Variants in ARFGAP2 observed in about 807,000 individuals in gnomAD.
ARFGAP2 encodes the protein ADP-ribosylation factor GTPase-activating protein 2.
ARFGAP2 carries 45 observed loss-of-function variants against 71.9 expected under a neutral mutation model. That is an observed-to-expected ratio of 0.63 (90% CI 0.49 to 0.80). The LOEUF (loss-of-function observed/expected upper bound fraction) is 0.80, where lower values mean the gene tolerates loss of function less well. ARFGAP2 is among the 30% of genes least tolerant of loss of function. The probability of loss-of-function intolerance (pLI) is 0.00; values close to 1 mark genes in which losing one functional copy is unlikely to be tolerated. For synonymous variants in ARFGAP2, 248 were observed against 249.2 expected (o/e 1.00, Z 0.05); for missense variants, 633 against 673.9 (o/e 0.94, Z 0.67).
At chr11:47,172,034 G>T in intron 8 of ARFGAP2, 1 of 720,154 alleles carries the variant, frequency 1.4e-6, no homozygotes, top group Non-Finnish European at 2.3e-6. Context: ...TGCTGACAGG[G>T]CCAAGTATGT....
At chr11:47,167,102 G>A (rs961246568) in intron 12 of ARFGAP2, among the ~76,000 whole-genome samples, 15 of 152,192 alleles carry the variant, frequency 9.9e-5, no homozygotes, top group Non-Finnish European at 1.8e-4. Flanking sequence ...CCTGCACTAG[G>A]CAGGGTGGAA....
At chr11:47,175,130 G>T in intron 4 of ARFGAP2, 32 bp from the exon 5 acceptor site, 1 of 1,614,094 alleles carries the variant, frequency 6.2e-7, no homozygotes, top group Non-Finnish European at 8.5e-7. Context: ...TAAAACACAG[G>T]GCTCTGAATA....
At chr11:47,169,309 G>C (rs61897844) in intron 10 of ARFGAP2, 2 of 151,266 alleles carry the variant, frequency 1.3e-5, no homozygotes, top group Admixed American at 6.6e-5. Context: ...GCGAGGCTCC[G>C]TCTCAGAGAG....
intron 10 of ARFGAP2, among the ~76,000 whole-genome samples, chr11:47,169,008 C>A (rs977644400): frequency 1.3e-5 from 2 of 151,368 alleles, no homozygotes; most frequent in African/African-American, 2.4e-5. Flanking sequence ...CTTCATCATC[C>A]TACTCTTTAT....
chr11:47,171,323 T>G (rs1952590024), intron 10 of ARFGAP2, 103 bp downstream of exon 10: 2 of 1,538,372 alleles, frequency 1.3e-6, no homozygotes, highest in South Asian at 2.5e-5. Flanking sequence ...CTATTCAGAC[T>G]TGGAGAAACA....
intron 6 of ARFGAP2, 83 bp from the exon 7 acceptor site, chr11:47,173,565 G>C: frequency 1.4e-6 from 2 of 1,465,532 alleles, no homozygotes; most frequent in South Asian, 1.3e-5. Context: ...GACAAGAATC[G>C]GTGGCTTTCC....
chr11:47,175,749 G>C, intron 3 of ARFGAP2, 102 bp downstream of exon 3: 1 of 1,336,842 alleles, frequency 7.5e-7, no homozygotes, highest in Non-Finnish European at 1.1e-6. Flanking sequence ...ATAGAACAGA[G>C]AACCCTCTGA....
At chr11:47,175,639 T>TC in intron 3 of ARFGAP2, 1 of 648,314 alleles carries the variant, frequency 1.5e-6, no homozygotes, top group Non-Finnish European at 2.6e-6. Flanking sequence ...CTGTGGCTTT[T>TC]CCCCAAGAAC....
Position 47,173,511 on chromosome 11 carries a change from T to C in ARFGAP2, c.563-29A>G, listed in dbSNP as rs1488820328. On this transcript the variant is annotated intron_variant, in intron 6 of 15. Coordinates refer to ENST00000524782, the MANE Select transcript of ARFGAP2 (RefSeq NM_032389.6). The stretch of plus-strand genomic sequence containing the variant: ...TGGATGCAATGGTAGGAGTTAGAGA[T>C]GAGCTCCTAGCTTCCTGCAACCTCC... 5 of 1,540,762 alleles carry C rather than the reference T, an allele frequency of 3.2e-6. No homozygotes were observed. In the South Asian group the frequency reaches 3.6e-5, roughly 11 times the overall value.
chr11:47,167,772 G>A (rs1448073483), intron 12 of ARFGAP2, 137 bp downstream of exon 12: 11 of 1,125,910 alleles, frequency 9.8e-6, no homozygotes, highest in African/African-American at 7.9e-5. Context: ...CATAGTAGTG[G>A]CTACCATATT....
chr11:47,170,763 T>C (rs183141880), intron 10 of ARFGAP2, among the ~76,000 whole-genome samples: 2 of 151,960 alleles, frequency 1.3e-5, no homozygotes, highest in Admixed American at 1.3e-4. Flanking sequence ...CTGGACAACA[T>C]AGCAAAACCC....
At position 47,166,749 on chromosome 11, in the gene ARFGAP2, G is replaced by GC. The variant is rs1719460665; in HGVS notation, c.1332+10dup. 5 of 1,612,162 alleles carry GC rather than the reference G, an allele frequency of 3.1e-6. No individual in the cohort carries two copies. Among genetic ancestry groups the GC allele is most frequent in the Non-Finnish European group, 4.2e-6 (5 of 1,179,078 alleles). On this transcript the variant is annotated intron_variant, in intron 13 of 15. Coordinates refer to ENST00000524782, the MANE Select transcript of ARFGAP2 (RefSeq NM_032389.6). ...GCTGCCTCGGACCTCAGGGCAGACA[G>GC]CCCCACTTACCTCTGCATCCACCTC...
At chr11:47,166,958 C>G in intron 12 of ARFGAP2, 72 bp from the exon 13 acceptor site, 4 of 1,543,624 alleles carry the variant, frequency 2.6e-6, no homozygotes, top group Non-Finnish European at 3.5e-6. Flanking sequence ...AGAGGCCAAA[C>G]AGAGCACCAG....
chr11:47,176,774 TCA>T lies in ARFGAP2; in HGVS notation c.72+6_72+7del. The T allele has an allele frequency of 6.2e-7, 1 of 1,614,060 alleles. No homozygotes were observed. On this transcript the variant is annotated splice_donor_region_variant and intron_variant, in intron 1 of 15. Coordinates refer to ENST00000524782, the MANE Select transcript of ARFGAP2 (RefSeq NM_032389.6). ...ACGAGAGACTCCGCGCGCCCCCTGC[TCA>T]CGCACCTTGTTGGTTGGAACTGCGC...
In ARFGAP2 at chr11:47,176,861, C is replaced by A; in HGVS notation, c.-8G>T. 1.2e-6 allele frequency: 2 copies of A among 1,612,772 alleles called. No homozygotes were observed. The highest frequency in any genetic ancestry group is 8.5e-7 in the Non-Finnish European group (1 of 1,179,578). ...GTTCGGCTCCGCCGCCATTTTCTCT[C>A]CTTCCCAGACACAACCGCGGCTGAC... On this transcript the variant is annotated 5_prime_UTR_variant, in exon 1 of 16. Coordinates refer to ENST00000524782, the MANE Select transcript of ARFGAP2 (RefSeq NM_032389.6).
chr11:47,176,863 T>A lies in ARFGAP2; in HGVS notation c.-10A>T, dbSNP rs1412341863. On this transcript the variant is annotated 5_prime_UTR_variant, in exon 1 of 16. In the 5' UTR this introduces an upstream ATG that the reference lacks. Transcript: ENST00000524782. The stretch of plus-strand genomic sequence containing the variant: ...TCGGCTCCGCCGCCATTTTCTCTCC[T>A]TCCCAGACACAACCGCGGCTGACGG... 1.2e-6 allele frequency: 2 copies of A among 1,612,296 alleles called. No homozygotes were observed. Among genetic ancestry groups the A allele is most frequent in the African/African-American group, 2.7e-5 (2 of 74,914 alleles).
At position 47,176,836 on chromosome 11, in the gene ARFGAP2, G is replaced by C. The variant is rs775559343; in HGVS notation, c.18C>G (p.Asn6Lys). 2.8e-5 allele frequency: 45 copies of C among 1,613,660 alleles called. No homozygotes were observed. Among genetic ancestry groups the C allele is most frequent in the Non-Finnish European group, 3.6e-5 (42 of 1,180,006 alleles). The change falls in exon 1 of 16, where the codon AAC becomes AAG. Residue 6 changes from asparagine to lysine, a missense_variant. By Grantham distance (94) the Asn-to-Lys change is moderately conservative. Transcript: ENST00000524782. ...TAAAAAGAGTCTGGATTTCGGTCTT[G>C]TTCGGCTCCGCCGCCATTTTCTCTC... MAAEPNKTEIQTLFKR... is the reference protein window; with the variant it reads MAAEPKKTEIQTLFKR...
At chr11:47,170,257 G>C (rs1330420971) in intron 10 of ARFGAP2, among the ~76,000 whole-genome samples, 3 of 150,516 alleles carry the variant, frequency 2.0e-5, no homozygotes, top group Non-Finnish European at 4.4e-5. Context: ...CTGGGAGGCG[G>C]AGGCTGCAGT....
intron 10 of ARFGAP2, among the ~76,000 whole-genome samples, chr11:47,169,013 C>CT (rs1590949458): frequency 1.3e-5 from 2 of 150,432 alleles, no homozygotes; most frequent in African/African-American, 4.9e-5. Flanking sequence ...TCATCCTACT[C>CT]TTTATTAAAA....
Sources: gnomAD v4.1 joint callset for allele counts (sites outside exome capture counted in the v4.1 genomes callset) on GRCh38, gnomAD v4.1.1 for gene constraint, MANE v1.5 for transcripts, NCBI Gene and HGNC (gene_info 2026-07-23, HGNC 2026-07-21) for gene names.